MYO18B: variants seen among roughly 807,000 people sequenced by gnomAD.
MYO18B encodes the protein unconventional myosin-XVIIIb.
Under a neutral mutation model 273.0 loss-of-function variants are expected in MYO18B, and 204 were observed. The ratio of observed to expected loss-of-function variants is 0.75; its 90% CI spans 0.67 to 0.84. The LOEUF (loss-of-function observed/expected upper bound fraction) is 0.84, where lower values mean the gene tolerates loss of function less well. Among genes scored for constraint, MYO18B ranks in the 40% least tolerant of loss-of-function variants. MYO18B has a pLI of 0.00. For missense variants in MYO18B, 3,212 were observed against 3,287.6 expected, an observed-to-expected ratio of 0.98 and a Z score of 0.56; for synonymous variants, 1,330 against 1,305.7, an observed-to-expected ratio of 1.02 and a Z score of -0.40.
intron 32 of MYO18B, among the ~76,000 whole-genome samples, chr22:25,909,745 A>G (rs1169488230): frequency 1.3e-5 from 2 of 152,188 alleles, no homozygotes; most frequent in African/African-American, 4.8e-5. Flanking sequence ...AAATACTGAT[A>G]TTGACTTCTC....
intron 34 of MYO18B, among the ~76,000 whole-genome samples, chr22:25,934,163 G>A (rs2092547472): frequency 6.6e-6 from 1 of 151,892 alleles, no homozygotes; most frequent in Non-Finnish European, 1.5e-5. Context: ...TGGGTTGTTT[G>A]TATTTTTCTT....
At chr22:25,992,265 C>G in intron 39 of MYO18B, 98 bp from the exon 40 acceptor site, 1 of 1,490,298 alleles carries the variant, frequency 6.7e-7, no homozygotes, top group Non-Finnish European at 9.2e-7. Flanking sequence ...GCTCAGTGAA[C>G]ACTAGGCTCA....
intron 33 of MYO18B, among the ~76,000 whole-genome samples, chr22:25,919,680 G>GTGTGTGTA (rs1207925921): frequency 7.9e-5 from 4 of 50,488 alleles, no homozygotes; most frequent in African/African-American, 1.7e-4. Context: ...GTGTGTGTAT[G>GTGTGTGTA]TGTGTGTGTG....
chr22:25,931,685 T>C (rs560398420), intron 34 of MYO18B, among the ~76,000 whole-genome samples: 7 of 142,882 alleles, frequency 4.9e-5, no homozygotes, highest in East Asian at 2.0e-4. Context: ...TTTTTTCTTT[T>C]TTTTTTTTTT....
intron 25 of MYO18B, chr22:25,884,741 G>C (rs2091447368): frequency 6.6e-6 from 1 of 152,196 alleles, no homozygotes; most frequent in Non-Finnish European, 1.5e-5. Flanking sequence ...TGGAGGGGCA[G>C]AGGGTCGAGC....
intron 1 of MYO18B, among the ~76,000 whole-genome samples, chr22:25,750,870 A>G (rs1418906098): frequency 6.6e-6 from 1 of 152,208 alleles, no homozygotes; most frequent in Non-Finnish European, 1.5e-5. Flanking sequence ...AGTCAGAGCC[A>G]GGAAGGGGAA....
chr22:25,902,596 T>C lies in MYO18B; in HGVS notation c.4824-17T>C. The C allele has an allele frequency of 6.2e-7, 1 of 1,603,974 alleles. No homozygotes were observed. The highest frequency in any genetic ancestry group is 8.5e-7 in the Non-Finnish European group (1 of 1,175,380). On this transcript the variant is annotated splice_polypyrimidine_tract_variant and intron_variant, in intron 29 of 43. Transcript: ENST00000335473. ...CACCTGCCTACGGGGCCCTGACACG[T>C]GCTCTGCTTTGCACAGGTTTGACCT...
rs113633878 is a variant in MYO18B, at chr22:25,853,982, G to A, written c.3885+2403G>A. Among the ~76,000 whole-genome samples the A allele has an allele frequency of 1.2e-3, 186 of 152,244 alleles. 3 individuals carry two copies. The highest frequency in any genetic ancestry group is 3.9e-3 in the African/African-American group (160 of 41,536). On this transcript the variant is annotated intron_variant, in intron 21 of 43. Coordinates refer to ENST00000335473, the MANE Select transcript of MYO18B (RefSeq NM_032608.7). ...TATGCCATGAATTATACATGAACACGTGCTTGGGTGGGCAAACTATCAGTT... is the reference window on the plus strand; with the variant it reads ...TATGCCATGAATTATACATGAACACATGCTTGGGTGGGCAAACTATCAGTT...
chr22:25,768,304 G>C lies in MYO18B; in HGVS notation c.388G>C (p.Glu130Gln), dbSNP rs370159021. 1.2e-5 allele frequency: 19 copies of C among 1,613,786 alleles called. No individual in the cohort carries two copies. In the African/African-American group the frequency reaches 1.5e-4, roughly 12 times the overall value. Residue 130 changes from glutamate (E) to glutamine (Q), a missense_variant, in exon 4 of 44, where the codon GAG becomes CAG. By Grantham distance (29) the Glu-to-Gln change is conservative. Coordinates refer to ENST00000335473, the MANE Select transcript of MYO18B (RefSeq NM_032608.7). ...AAGCATCAATGGTGAGAAGGCCCAG[G>C]AGCTGGGCTCCAGTGCGACACCAAC... ...MTSINGEKAQ[E>Q]LGSSATPTKK...
chr22:26,043,627 C>T, the MYO18B span, among the ~76,000 whole-genome samples: 14 of 151,274 alleles, frequency 9.3e-5, no homozygotes, highest in Admixed American at 2.0e-4. Context: ...TCTCCTGCCT[C>T]AGCCTCCCGA....
chr22:26,031,625 G>T, downstream of MYO18B, among the ~76,000 whole-genome samples: 1 of 152,142 alleles, frequency 6.6e-6, no homozygotes, highest in Non-Finnish European at 1.5e-5. Context: ...TTTGAGTGGG[G>T]CTGGGGAAGT....
At chr22:25,899,955 C>T (rs1319523676) in intron 29 of MYO18B, 4 of 152,316 alleles carry the variant, frequency 2.6e-5, no homozygotes, top group Non-Finnish European at 5.9e-5. Context: ...TGGCCCCCAA[C>T]TATGGGTTCT....
chr22:25,827,343 G>A (rs1416125746), intron 14 of MYO18B, among the ~76,000 whole-genome samples: 1 of 152,144 alleles, frequency 6.6e-6, no homozygotes, highest in African/African-American at 2.4e-5. Flanking sequence ...TTTCAAAATT[G>A]TCTTGCTGGG....
the MYO18B span, among the ~76,000 whole-genome samples, chr22:26,046,322 T>C: frequency 1.3e-5 from 2 of 152,308 alleles, no homozygotes; most frequent in African/African-American, 4.8e-5. Context: ...GGAAATACCA[T>C]AAATAATGGC....
intron 42 of MYO18B, among the ~76,000 whole-genome samples, chr22:26,010,783 A>G (rs1398518509): frequency 3.9e-5 from 6 of 152,298 alleles, no homozygotes; most frequent in East Asian, 1.9e-4. Flanking sequence ...GAGATTGCAG[A>G]AGTGGGCTAA....
intron 39 of MYO18B, among the ~76,000 whole-genome samples, chr22:25,961,233 A>AAAAG (rs566483449): frequency 1.3e-5 from 2 of 151,764 alleles, no homozygotes; most frequent in African/African-American, 4.8e-5. Flanking sequence ...AAAAAAAAAA[A>AAAAG]AAAGAAAGAA....
chr22:25,910,430 G>A (rs1302531816), intron 32 of MYO18B, among the ~76,000 whole-genome samples: 2 of 151,988 alleles, frequency 1.3e-5, no homozygotes, highest in Non-Finnish European at 2.9e-5. Context: ...CTTCCCTAAG[G>A]CCCCACCTCC....
rs144441052 is a variant in MYO18B at position 25,822,873 on chromosome 22, T to C, written c.2522-632T>C. Among the ~76,000 whole-genome samples the C allele has an allele frequency of 2.6e-4, 39 of 152,366 alleles. No individual in the cohort carries two copies. In the East Asian group the frequency reaches 7.5e-3, roughly 29 times the overall value. On this transcript the variant is annotated intron_variant, in intron 12 of 43. Transcript: ENST00000335473. The stretch of plus-strand genomic sequence containing the variant: ...AACAGAATAGAAAGTTTTGCAATGC[T>C]TTCCCATACAATGTGTGGAATTTAC...
At chr22:25,911,201 G>C (rs1213604912) in intron 33 of MYO18B, among the ~76,000 whole-genome samples, 151 bp downstream of exon 33, 1 of 152,202 alleles carries the variant, frequency 6.6e-6, no homozygotes, top group Non-Finnish European at 1.5e-5. Context: ...AGACCTTCAG[G>C]TGCCTGCAAA....
Sources: gnomAD v4.1 joint callset for allele counts (sites outside exome capture counted in the v4.1 genomes callset) on GRCh38, gnomAD v4.1.1 for gene constraint, MANE v1.5 for transcripts, NCBI Gene and HGNC (gene_info 2026-07-23, HGNC 2026-07-21) for gene names.